The following NEDD9 variants were observed in gnomAD, a reference collection of about 807,000 sequenced individuals.
NEDD9 encodes the protein neural precursor cell expressed, developmentally down-regulated 9, also known as enhancer of filamentation 1.
A neutral mutation model predicts 76.6 loss-of-function variants in NEDD9; 26 were observed. That is an observed-to-expected ratio of 0.34 (90% confidence interval 0.25 to 0.47). NEDD9 has a LOEUF of 0.47. Ranked by LOEUF, NEDD9 falls within the 20% of genes least tolerant of loss-of-function variation. NEDD9 has a pLI of 1.00. For missense variants in NEDD9, 937 were observed against 1,058.5 expected, an observed-to-expected ratio of 0.89 and a Z score of 1.59; for synonymous variants, 392 against 414.2, an observed-to-expected ratio of 0.95 and a Z score of 0.65.
At chr6:11,225,067 AC>A (rs1406026295) in intron 1 of NEDD9, among the ~76,000 whole-genome samples, 1 of 152,202 alleles carries the variant, frequency 6.6e-6, no homozygotes, top group Non-Finnish European at 1.5e-5. Flanking sequence ...GCAACTTTCT[AC>A]TGGGTTTCAC....
chr6:11,195,831 C>T (rs543314806), intron 2 of NEDD9, among the ~76,000 whole-genome samples: 1 of 152,174 alleles, frequency 6.6e-6, no homozygotes, highest in South Asian at 2.1e-4. Flanking sequence ...TCCGTCTTTA[C>T]TAAAAATATA....
chr6:11,294,633 C>A (rs1472072890), intron 3 of NEDD9, among the ~76,000 whole-genome samples: 3 of 152,146 alleles, frequency 2.0e-5, no homozygotes, highest in Non-Finnish European at 4.4e-5. Flanking sequence ...TTAGGTAGTT[C>A]TTTATAGCAA....
chr6:11,379,981 T>C (rs1435432005), intron 1 of NEDD9, among the ~76,000 whole-genome samples: 16 of 152,250 alleles, frequency 1.1e-4, no homozygotes, highest in Non-Finnish European at 1.5e-5. Context: ...GTGAAGGTCA[T>C]TTGCAGTAGG....
At chr6:11,193,987 G>A (rs2113724707) in intron 2 of NEDD9, among the ~76,000 whole-genome samples, 1 of 151,978 alleles carries the variant, frequency 6.6e-6, no homozygotes, top group Middle Eastern at 3.4e-3. Context: ...AGCCTCCTGA[G>A]TAGTTGAGAT....
At position 11,213,774 on chromosome 6, in the gene NEDD9, G is replaced by A. The variant is rs1262000474; in HGVS notation, c.13-47C>T. The A allele has an allele frequency of 1.3e-6, 2 of 1,578,290 alleles. No homozygotes were observed. The highest frequency in any genetic ancestry group is 2.7e-5 in the African/African-American group (2 of 74,052). On this transcript the variant is annotated intron_variant, in intron 1 of 6. Coordinates refer to ENST00000379446, the MANE Select transcript of NEDD9 (RefSeq NM_006403.4). This position sits in a 1 kb window ranked among gnomAD's most constrained non-coding sequence, Gnocchi z 5.4. ...GAAACCGTGTTAGAATATTGGGTCG[G>A]TCCCTTTATCACCTAAGGCCCGTGC...
chr6:11,381,647 C>T (rs980298863), intron 1 of NEDD9, among the ~76,000 whole-genome samples: 2 of 152,216 alleles, frequency 1.3e-5, no homozygotes, highest in Non-Finnish European at 2.9e-5. Flanking sequence ...CTAATGACTA[C>T]AGGGATAGGA....
chr6:11,307,580 C>T (rs1280738952), intron 2 of NEDD9, among the ~76,000 whole-genome samples: 1 of 152,062 alleles, frequency 6.6e-6, no homozygotes, highest in African/African-American at 2.4e-5. Flanking sequence ...TATAAGACAA[C>T]CTCTCAGAGC....
At chr6:11,331,294 A>G (rs1278936730) in intron 2 of NEDD9, among the ~76,000 whole-genome samples, 1 of 142,400 alleles carries the variant, frequency 7.0e-6, no homozygotes, top group East Asian at 2.3e-4. Context: ...GCAAGTTGAG[A>G]GAGATGTAGG....
intron 3 of NEDD9, among the ~76,000 whole-genome samples, chr6:11,257,804 T>TGTGC (rs1354427885): frequency 1.3e-5 from 2 of 151,772 alleles, no homozygotes; most frequent in Non-Finnish European, 1.5e-5. Context: ...TGTGTGTGTG[T>TGTGC]GTGTGTGCAG....
At chr6:11,346,854 C>A (rs1762374423) in intron 1 of NEDD9, among the ~76,000 whole-genome samples, 1 of 152,164 alleles carries the variant, frequency 6.6e-6, no homozygotes, top group African/African-American at 2.4e-5. Flanking sequence ...GGAGCTCATG[C>A]TCAGTTGGCT....
chr6:11,210,866 C>G (rs3823016), intron 2 of NEDD9, among the ~76,000 whole-genome samples: 103,220 of 151,556 alleles, frequency 0.68, 35,747 homozygotes, highest in East Asian at 0.99. Flanking sequence ...TGAACCACTG[C>G]TCTGGGGTAC....
chr6:11,300,313 A>G (rs1002065407), intron 3 of NEDD9, among the ~76,000 whole-genome samples: 1 of 152,240 alleles, frequency 6.6e-6, no homozygotes, highest in Non-Finnish European at 1.5e-5. Context: ...GTTTAGAGAA[A>G]AAAAGAGTAA....
upstream of NEDD9, among the ~76,000 whole-genome samples, chr6:11,235,914 T>A (rs2113279518): frequency 6.6e-6 from 1 of 152,304 alleles, no homozygotes; most frequent in East Asian, 1.9e-4. The surrounding 1 kb of genome is among the most constrained non-coding windows in gnomAD (Gnocchi z 4.1). Context: ...CTGCAGTGTT[T>A]TGACCAGGGA....
rs757692957 is a variant in NEDD9, at chr6:11,190,192, G to A, written c.1677C>T (p.Pro559=). ...INTNAEALFR[P]GPGSLHLKNG... ...TCTTCAGATGCAAGCTGCCAGGGCCGGGTCTGAAGAGGGCCTCTGCGTTGG... is the reference window on the plus strand; with the variant it reads ...TCTTCAGATGCAAGCTGCCAGGGCCAGGTCTGAAGAGGGCCTCTGCGTTGG... The change falls in exon 5 of 7, where the codon CCC becomes CCT. Residue 559 remains proline, a synonymous_variant. Coordinates refer to ENST00000379446, the MANE Select transcript of NEDD9 (RefSeq NM_006403.4). The surrounding 1 kb of genome is among the most constrained non-coding windows in gnomAD (Gnocchi z 5.8). 24 of 1,614,092 alleles carry A rather than the reference G, an allele frequency of 1.5e-5. No homozygotes were observed. Among genetic ancestry groups the A allele is most frequent in the Middle Eastern group, 3.3e-4 (2 of 6,084 alleles).
At chr6:11,306,351 A>G (rs1166986796) in intron 2 of NEDD9, among the ~76,000 whole-genome samples, 1 of 152,238 alleles carries the variant, frequency 6.6e-6, no homozygotes, top group Non-Finnish European at 1.5e-5. Flanking sequence ...TTGGAACTTC[A>G]AAGACACATA....
At chr6:11,221,001 G>A (rs1759124959) in intron 1 of NEDD9, among the ~76,000 whole-genome samples, 1 of 152,128 alleles carries the variant, frequency 6.6e-6, no homozygotes, top group South Asian at 2.1e-4. Context: ...TTATTTCCTG[G>A]CCCACGGTGG....
At chr6:11,326,226 G>A (rs1381942933) in intron 2 of NEDD9, among the ~76,000 whole-genome samples, 1 of 151,928 alleles carries the variant, frequency 6.6e-6, no homozygotes, top group Non-Finnish European at 1.5e-5. Context: ...TTATCAGAAG[G>A]TCTTATGAGC....
At chr6:11,192,747 A>T (rs1444928898) in intron 3 of NEDD9, among the ~76,000 whole-genome samples, 2 of 150,676 alleles carry the variant, frequency 1.3e-5, no homozygotes, top group Non-Finnish European at 3.0e-5. Context: ...ATCCTGGCCA[A>T]CATGGTAAAA....
chr6:11,378,806 G>A (rs1184157902), intron 1 of NEDD9, among the ~76,000 whole-genome samples: 1 of 152,138 alleles, frequency 6.6e-6, no homozygotes, highest in African/African-American at 2.4e-5. Context: ...ACGAACCAGA[G>A]CTTCTAATCT....
Sources: gnomAD v4.1 joint callset for allele counts (sites outside exome capture counted in the v4.1 genomes callset) on GRCh38, gnomAD v4.1.1 for gene constraint, Gnocchi (gnomAD v3.1) non-coding constraint, MANE v1.5 for transcripts, NCBI Gene and HGNC (gene_info 2026-07-23, HGNC 2026-07-21) for gene names.